Variants in GREB1 observed in about 807,000 individuals in gnomAD.
GREB1 encodes the protein protein GREB1.
In GREB1, 106 loss-of-function variants were observed where a neutral mutation model predicts 200.7. The ratio of observed to expected loss-of-function variants is 0.53; its 90% CI spans 0.45 to 0.62. The LOEUF is 0.62. Among genes scored for constraint, GREB1 ranks in the 20% least tolerant of loss-of-function variants. The probability of loss-of-function intolerance (pLI) is 0.00; values close to 1 mark genes in which losing one functional copy is unlikely to be tolerated. For missense variants in GREB1, 2,243 were observed against 2,556.8 expected (o/e 0.88, Z 2.65); for synonymous variants, 1,132 against 1,092.4 (o/e 1.04, Z -0.72).
At position 11,629,957 on chromosome 2, in the gene GREB1, T is replaced by C. The variant is rs1684756905; in HGVS notation, c.4459T>C (p.Ser1487Pro). The change falls in exon 26 of 33, where the codon TCC (serine) becomes CCC (proline). Residue 1487 changes from serine to proline, a missense_variant. Transcript: ENST00000381486. The surrounding 1 kb of genome is among the most constrained non-coding windows in gnomAD (Gnocchi z 5.2). Reference sequence around the variant, plus strand: ...TTCCCCCACACCCCAGCTGTATGAGTCCACCCTGCACGCCTTTGCCTTCTC... The same window carrying C: ...TTCCCCCACACCCCAGCTGTATGAGCCCACCCTGCACGCCTTTGCCTTCTC... ...GFHPRYQLYE[S>P]TLHAFAFSYS... 6.2e-7 allele frequency: 1 copy of C among 1,613,912 alleles called. No homozygotes were observed. Among genetic ancestry groups the C allele is most frequent in the African/African-American group, 1.3e-5 (1 of 74,996 alleles).
intron 3 of GREB1, among the ~76,000 whole-genome samples, chr2:11,565,326 C>A (rs955307985): frequency 1.3e-5 from 2 of 152,226 alleles, no homozygotes; most frequent in African/African-American, 2.4e-5. Flanking sequence ...GCGTCTCCCC[C>A]ACAGGTGTTG....
rs1352742462 is a variant in GREB1, at chr2:11,580,050, G to C, written c.773-654G>C. 6.6e-6 allele frequency among the ~76,000 whole-genome samples: 1 copy of C among 152,230 alleles called. No homozygotes were observed. The highest frequency in any genetic ancestry group is 2.4e-5 in the African/African-American group (1 of 41,440). On this transcript the variant is annotated intron_variant, in intron 6 of 32. Coordinates refer to ENST00000381486, the MANE Select transcript of GREB1 (RefSeq NM_014668.4). This position sits in a 1 kb window ranked among gnomAD's most constrained non-coding sequence, Gnocchi z 4.5. ...GGAGAAGCAAAGGCACGTCTTACAT[G>C]ATGGCAGTCAAGAGAGCATGTGCAG... is the stretch of plus-strand genomic sequence containing the variant.
intron 7 of GREB1, among the ~76,000 whole-genome samples, chr2:11,584,502 C>A (rs1679864051): frequency 6.6e-6 from 1 of 152,180 alleles, no homozygotes; most frequent in Non-Finnish European, 1.5e-5. Flanking sequence ...AAACATATTT[C>A]TCTCTTCCAG....
intron 1 of GREB1, among the ~76,000 whole-genome samples, chr2:11,511,555 G>C (rs528982577): frequency 2.0e-5 from 3 of 152,252 alleles, no homozygotes; most frequent in Admixed American, 6.5e-5. Flanking sequence ...CCATTTTGGA[G>C]AACTTGGATG....
rs1228410858 is a variant in GREB1 at position 11,578,405 on chromosome 2, G to C, written c.746G>C (p.Ser249Thr). 3 of 1,613,810 alleles carry C rather than the reference G, an allele frequency of 1.9e-6. No individual in the cohort carries two copies. The highest frequency in any genetic ancestry group is 2.5e-6 in the Non-Finnish European group (3 of 1,180,026). ...PSEPVPGTNP[S>T]ILMGAQQAGP... is the part of the protein sequence containing the mutation. ...GAGCCCGTTCCTGGGACGAACCCCA[G>C]CATCCTGATGGGAGCTCAGCAGGCA... Residue 249 changes from serine (S) to threonine (T), a missense_variant, in exon 6 of 33, where the codon AGC (serine) becomes ACC (threonine). This residue lies in a region of GREB1 where 1,178 missense variants were observed against 1,387.4 expected (regional missense o/e 0.85). Coordinates refer to ENST00000381486, the MANE Select transcript of GREB1 (RefSeq NM_014668.4).
chr2:11,598,052 A>G (rs911597167), intron 14 of GREB1, 74 bp downstream of exon 14: 4 of 1,076,794 alleles, frequency 3.7e-6, no homozygotes, highest in African/African-American at 3.5e-5. Flanking sequence ...GGGTGTTGAC[A>G]CTGTTCTTTG....
intron 1 of GREB1, among the ~76,000 whole-genome samples, chr2:11,552,813 C>T (rs1012806512): frequency 1.5e-4 from 23 of 152,014 alleles, no homozygotes; most frequent in African/African-American, 5.1e-4. Context: ...AGATCGAGAC[C>T]ATCCTGGCTA....
chr2:11,588,725 G>T, intron 9 of GREB1, 21 bp from the exon 10 acceptor site: 1 of 1,612,540 alleles, frequency 6.2e-7, no homozygotes, highest in Non-Finnish European at 8.5e-7. Context: ...TGGGTGCCAA[G>T]TCGCTGCTGT....
At chr2:11,551,706 A>C (rs749997260) in intron 1 of GREB1, among the ~76,000 whole-genome samples, 34 of 151,958 alleles carry the variant, frequency 2.2e-4, no homozygotes, top group Non-Finnish European at 4.0e-4. Context: ...CATCCTACTC[A>C]GTGGTCTAGT....
At chr2:11,488,199 A>G (rs888871309) in intron 1 of GREB1, among the ~76,000 whole-genome samples, 2 of 151,958 alleles carry the variant, frequency 1.3e-5, no homozygotes, top group Non-Finnish European at 2.9e-5. Context: ...CAACTCGGAA[A>G]CTCGGGGGGT....
At chr2:11,508,891 T>G (rs1477280194) in intron 1 of GREB1, among the ~76,000 whole-genome samples, 1 of 143,698 alleles carries the variant, frequency 7.0e-6, no homozygotes, top group Non-Finnish European at 1.5e-5. Context: ...TTTTTTTTTT[T>G]CGGGACAGAG....
rs752254412 is a variant in GREB1 at position 11,638,676 on chromosome 2, T to G, written c.5553T>G (p.Ser1851=). 1.2e-6 allele frequency: 2 copies of G among 1,609,910 alleles called. No homozygotes were observed. Among genetic ancestry groups the G allele is most frequent in the Non-Finnish European group, 1.7e-6 (2 of 1,179,182 alleles). Residue 1851 remains serine (S), a synonymous_variant, in exon 32 of 33, where the codon TCT becomes TCG. Transcript: ENST00000381486. ...TTGGATTTCTTCTTTTTCAGATTTCTGTTTGCTATGTGAGCTCCAGGCCCC... is the reference window on the plus strand; with the variant it reads ...TTGGATTTCTTCTTTTTCAGATTTCGGTTTGCTATGTGAGCTCCAGGCCCC... The part of the protein sequence containing the change: ...DCYLNLGSQI[S]VCYVSSRPHS...
upstream of GREB1, among the ~76,000 whole-genome samples, chr2:11,533,906 C>T (rs1436405372): frequency 4.6e-5 from 7 of 152,074 alleles, no homozygotes; most frequent in Admixed American, 4.6e-4. Flanking sequence ...AATTATTGCA[C>T]CATGCAAGAT....
At position 11,616,698 on chromosome 2, in the gene GREB1, A is replaced by G. The variant is rs769551235; in HGVS notation, c.3390A>G (p.Ser1130=). The G allele has an allele frequency of 1.2e-6, 2 of 1,607,850 alleles. No individual in the cohort carries two copies. The highest frequency in any genetic ancestry group is 8.5e-7 in the Non-Finnish European group (1 of 1,174,380). ...CCCGCTCCCACGACTCAGCATCCTC[A>G]TCCCTCTCCTCCAAGGCTTCCGGTG... ...ERSRSHDSAS[S]SLSSKASGSA... Residue 1130 remains serine (S), a synonymous_variant, in exon 21 of 33, where the codon TCA becomes TCG. Transcript: ENST00000381486.
Position 11,597,720 on chromosome 2 carries a change from AG to A in GREB1, c.1955-58del. On this transcript the variant is annotated intron_variant, in intron 13 of 32. Coordinates refer to ENST00000381486, the MANE Select transcript of GREB1 (RefSeq NM_014668.4). The surrounding 1 kb of genome is among the most constrained non-coding windows in gnomAD (Gnocchi z 4.1). ...ACAGGTCTCACTGATTCTCTGGCCA[AG>A]GGCCTGGCAGTAGCCGTGTGCCCTG... The A allele has an allele frequency of 6.7e-7, 1 of 1,485,516 alleles. No individual in the cohort carries two copies. The highest frequency in any genetic ancestry group is 9.4e-7 in the Non-Finnish European group (1 of 1,064,210). The allele number at this position is 1,485,516 out of a possible 1,614,324, so 92.0% of individuals were successfully genotyped here.
At chr2:11,592,654 C>T in intron 10 of GREB1, 122 bp from the exon 11 acceptor site, 1 of 613,884 alleles carries the variant, frequency 1.6e-6, no homozygotes, top group Non-Finnish European at 2.6e-6. Context: ...CCTCGTGCTC[C>T]AGCCATCTGT....
rs570230001 is a variant in GREB1 at position 11,586,827 on chromosome 2, CGCAG to C, written c.1159+924_1159+927del. ...ACTCTGAGTTTCGACCTTAGCATGA[CGCAG>C]GACCAATGACCGAGGCAGTTCCACT... On this transcript the variant is annotated intron_variant, in intron 9 of 32. Transcript: ENST00000381486. 3.4e-3 allele frequency among the ~76,000 whole-genome samples: 512 copies of C among 152,296 alleles called. 3 individuals are homozygous for C. Among genetic ancestry groups the C allele is most frequent in the African/African-American group, 0.011 (474 of 41,554 alleles).
chr2:11,613,008 G>A (rs1683074037), intron 19 of GREB1, among the ~76,000 whole-genome samples: 1 of 152,186 alleles, frequency 6.6e-6, no homozygotes, highest in Non-Finnish European at 1.5e-5. Flanking sequence ...AGTTCCTGCT[G>A]GTACCTAGGC....
chr2:11,580,747 G>A lies in GREB1; in HGVS notation c.816G>A (p.Pro272=), dbSNP rs368334075. 1.9e-5 allele frequency: 31 copies of A among 1,614,162 alleles called. No homozygotes were observed. Among genetic ancestry groups the A allele is most frequent in the Admixed American group, 5.0e-5 (3 of 60,026 alleles). Residue 272 remains proline (P), a synonymous_variant, in exon 7 of 33, where the codon CCG becomes CCA. Transcript: ENST00000381486. The surrounding 1 kb of genome is among the most constrained non-coding windows in gnomAD (Gnocchi z 4.5). The part of the protein sequence containing the change: ...DHPSLNAAMG[P]AVFNGKDSPK... ...CCTCACTAAACGCAGCAATGGGTCC[G>A]GCTGTTTTCAACGGCAAAGATTCCC...
Sources: gnomAD v4.1 joint callset for allele counts (sites outside exome capture counted in the v4.1 genomes callset) on GRCh38, gnomAD v4.1.1 for gene constraint, gnomAD v4.1.1 regional missense constraint, Gnocchi (gnomAD v3.1) non-coding constraint, MANE v1.5 for transcripts, NCBI Gene and HGNC (gene_info 2026-07-23, HGNC 2026-07-21) for gene names.